The following SCML2 variants were observed in gnomAD, a reference collection of about 807,000 sequenced individuals.
The protein encoded by SCML2 is Scm polycomb group protein like 2, also known as sex comb on midleg-like protein 2.
In SCML2, 6 loss-of-function variants were observed where a neutral mutation model predicts 48.4. The observed-to-expected ratio is 0.12, with a 90% CI of 0.07 to 0.24. The LOEUF (loss-of-function observed/expected upper bound fraction) is 0.24. Ranked by LOEUF, SCML2 falls within the 10% of genes least tolerant of loss-of-function variation. SCML2 has a pLI of 1.00. For synonymous variants in SCML2, 181 were observed against 189.5 expected (o/e 0.95, Z 0.37); for missense variants, 377 against 528.2 (o/e 0.71, Z 2.81).
chrX:18,277,217 T>C (rs1408664362), intron 7 of SCML2, among the ~76,000 whole-genome samples: 2 of 111,007 alleles, frequency 1.8e-5, no homozygotes, highest in Non-Finnish European at 3.8e-5. Flanking sequence ...ACTACAGGCA[T>C]GCACCACCAC....
Position 18,258,134 on chromosome X carries a change from T to C in SCML2, c.1183A>G (p.Ile395Val), listed in dbSNP as rs1364918312. The C allele has an allele frequency of 8.3e-7, 1 of 1,211,327 alleles. No homozygotes were observed. The highest frequency in any genetic ancestry group is 1.8e-5 in the South Asian group (1 of 56,959). Residue 395 changes from isoleucine to valine, a missense_variant, in exon 10 of 15, where the codon ATT becomes GTT. By Grantham distance (29) the Ile-to-Val change is conservative. Coordinates refer to ENST00000251900, the MANE Select transcript of SCML2 (RefSeq NM_006089.3). ...GCACAATCCACACAGGCCTGCACAATCCGGCGAAGCACCACATTCACCGGG... is the reference window on the plus strand; with the variant it reads ...GCACAATCCACACAGGCCTGCACAACCCGGCGAAGCACCACATTCACCGGG... ...PGPVNVVLRR[I>V]VQACVDCALE...
At position 18,267,955 on chromosome X, in the gene SCML2, C is replaced by A. The variant is rs767065152; in HGVS notation, c.731-2153G>T. Among the ~76,000 whole-genome samples the A allele has an allele frequency of 1.1e-4, 12 of 111,786 alleles. No homozygotes were observed. In the South Asian group the frequency reaches 2.6e-3, roughly 24 times the overall value. On this transcript the variant is annotated intron_variant, in intron 7 of 14. Transcript: ENST00000251900. ...ACCAATTAAGAATATTAAAAAAATT[C>A]TTAGCTTATAAGCTACATGAGCTGG...
chrX:18,270,662 C>G (rs1055397898), intron 7 of SCML2, among the ~76,000 whole-genome samples: 1 of 111,221 alleles, frequency 9.0e-6, no homozygotes, highest in Non-Finnish European at 1.9e-5. Context: ...CTCCCAGGAG[C>G]AATCATATAA....
chrX:18,347,895 T>C (rs945466889), intron 1 of SCML2, among the ~76,000 whole-genome samples: 3 of 110,135 alleles, frequency 2.7e-5, no homozygotes, highest in Non-Finnish European at 5.7e-5. Context: ...TAGTAAAGAG[T>C]CCACCCCAAC....
chrX:18,302,603 C>T (rs1928630905), intron 7 of SCML2, among the ~76,000 whole-genome samples: 1 of 111,500 alleles, frequency 9.0e-6, no homozygotes, highest in African/African-American at 3.3e-5. Flanking sequence ...TGTCCTGGTC[C>T]TTTTCTACCT....
chrX:18,246,367 T>C (rs1178687702), intron 13 of SCML2, among the ~76,000 whole-genome samples: 2 of 112,151 alleles, frequency 1.8e-5, no homozygotes, highest in Non-Finnish European at 3.8e-5. Flanking sequence ...AGAGACATGG[T>C]TGGTGATCCA....
chrX:18,349,941 C>G (rs775136769), intron 1 of SCML2, among the ~76,000 whole-genome samples: 31 of 112,024 alleles, frequency 2.8e-4, no homozygotes, highest in Admixed American at 2.7e-3. Flanking sequence ...ATCTTGATAG[C>G]TTCTAAAATT....
chrX:18,320,005 C>T (rs763498606), intron 6 of SCML2, among the ~76,000 whole-genome samples: 15 of 112,099 alleles, frequency 1.3e-4, no homozygotes, highest in Non-Finnish European at 2.8e-4. Context: ...AAAAAAGATT[C>T]CCAACATTTT....
At chrX:18,335,150 G>A (rs1015009078) in intron 1 of SCML2, among the ~76,000 whole-genome samples, 1 of 110,720 alleles carries the variant, frequency 9.0e-6, no homozygotes, top group African/African-American at 3.3e-5. Context: ...AATCCAGGTA[G>A]TAAGTGAAGG....
intron 8 of SCML2, among the ~76,000 whole-genome samples, chrX:18,264,448 T>C (rs1038546050): frequency 4.4e-3 from 453 of 102,638 alleles, no homozygotes; most frequent in Non-Finnish European, 7.4e-3. Flanking sequence ...TGTGTGTGTG[T>C]GTGTGTGTGT....
At chrX:18,346,950 A>G (rs1930217805) in intron 1 of SCML2, among the ~76,000 whole-genome samples, 1 of 111,824 alleles carries the variant, frequency 8.9e-6, no homozygotes, top group African/African-American at 3.2e-5. Context: ...ATTCCATTGT[A>G]TAACCATACA....
intron 7 of SCML2, among the ~76,000 whole-genome samples, chrX:18,300,288 T>C (rs1307682380): frequency 9.5e-6 from 1 of 105,398 alleles, no homozygotes; most frequent in African/African-American, 3.5e-5. Context: ...TAGTCCCAGC[T>C]ACTTGGGGAG....
At chrX:18,282,953 G>C (rs1927918885) in intron 7 of SCML2, among the ~76,000 whole-genome samples, 1 of 110,897 alleles carries the variant, frequency 9.0e-6, no homozygotes, top group Non-Finnish European at 1.9e-5. Context: ...TATGAAGCTA[G>C]CATCATTAGC....
intron 8 of SCML2, among the ~76,000 whole-genome samples, chrX:18,262,923 C>T (rs1203837024): frequency 9.5e-6 from 1 of 105,605 alleles, no homozygotes; most frequent in Non-Finnish European, 1.9e-5. Flanking sequence ...GCCATGTTGC[C>T]CAGGCTGGTC....
chrX:18,313,564 G>A (rs943878530), intron 6 of SCML2, among the ~76,000 whole-genome samples: 3 of 111,278 alleles, frequency 2.7e-5, no homozygotes, highest in African/African-American at 9.8e-5. Context: ...GAGCACTGCT[G>A]CAGCAAAGTC....
rs776108971 is a variant in SCML2, at chrX:18,242,490, T to G, written c.1923A>C (p.Lys641Asn). 1 of 1,206,952 alleles carries G rather than the reference T, an allele frequency of 8.3e-7. No homozygotes were observed. Reference sequence around the variant, plus strand: ...GGCCTGATATCTGAGGATCTGTATGTTTCATAAACTGTATCACTTCATCCA... The same window carrying G: ...GGCCTGATATCTGAGGATCTGTATGGTTCATAAACTGTATCACTTCATCCA... ...WSVDEVIQFM[K>N]HTDPQISGPL... Residue 641 changes from lysine (K) to asparagine (N), a missense_variant, in exon 14 of 15, where the codon AAA (lysine) becomes AAC (asparagine). Physicochemically the swap from Lys to Asn is moderately conservative, Grantham distance 94 (BLOSUM62 0). Around this residue, in one of 3 missense-constraint regions of SCML2, gnomAD observed 299 missense variants for 425.5 expected, o/e 0.70. Coordinates refer to ENST00000251900, the MANE Select transcript of SCML2 (RefSeq NM_006089.3).
At chrX:18,312,136 A>G (rs1928970661) in intron 6 of SCML2, among the ~76,000 whole-genome samples, 1 of 112,016 alleles carries the variant, frequency 8.9e-6, no homozygotes, top group Non-Finnish European at 1.9e-5. Flanking sequence ...TGTGCTGATG[A>G]TAGCCTGTAA....
intron 7 of SCML2, among the ~76,000 whole-genome samples, chrX:18,281,063 C>T (rs532095300): frequency 6.3e-4 from 56 of 88,302 alleles, no homozygotes; most frequent in South Asian, 5.9e-3. Context: ...TTCTCATCTG[C>T]ACACAGAACA....
intron 5 of SCML2, among the ~76,000 whole-genome samples, chrX:18,322,826 G>A (rs774740554): frequency 9.2e-5 from 10 of 109,219 alleles, no homozygotes; most frequent in Non-Finnish European, 1.7e-4. Flanking sequence ...ACCAGGAGGC[G>A]GAGGTTGCAG....
Sources: allele counts gnomAD v4.1 joint callset (sites outside exome capture counted in the v4.1 genomes callset), GRCh38; gene constraint gnomAD v4.1.1; regional missense constraint gnomAD v4.1.1; transcripts MANE v1.5; gene names NCBI Gene and HGNC (gene_info 2026-07-23, HGNC 2026-07-21).